The following RMDN2 variants were observed in gnomAD, a reference collection of about 807,000 sequenced individuals.
The protein encoded by RMDN2 is regulator of microtubule dynamics protein 2.
Under a neutral mutation model 52.8 loss-of-function variants are expected in RMDN2, and 61 were observed. The observed-to-expected ratio is 1.16, with a 90% CI of 0.94 to 1.43. RMDN2 has a LOEUF of 1.43. Among genes scored for constraint, RMDN2 ranks in the 40% most tolerant of loss-of-function variants. RMDN2 has a pLI of 0.00. For missense variants in RMDN2, 592 were observed against 475.3 expected (o/e 1.25, Z -2.28); for synonymous variants, 180 against 153.1 (o/e 1.18, Z -1.30).
At chr2:37,953,463 A>G (rs1201343672) in intron 2 of RMDN2, among the ~76,000 whole-genome samples, 1 of 152,020 alleles carries the variant, frequency 6.6e-6, no homozygotes, top group Non-Finnish European at 1.5e-5. Context: ...AGCTTATTTC[A>G]CTTAGCATAG....
intron 10 of RMDN2, 67 bp from the exon 11 acceptor site, chr2:38,017,119 T>C (rs933498594): frequency 1.7e-4 from 179 of 1,024,810 alleles, no homozygotes; most frequent in Admixed American, 2.3e-4. Context: ...TGTAAGTCTG[T>C]TTCAGCATGC....
At chr2:37,936,887 C>T (rs568791296) in intron 2 of RMDN2, among the ~76,000 whole-genome samples, 2 of 152,278 alleles carry the variant, frequency 1.3e-5, no homozygotes, top group South Asian at 4.1e-4. Context: ...TGCAGGAGCT[C>T]TCTAGTTTAA....
chr2:38,056,481 A>G (rs1465865976), intron 10 of RMDN2, among the ~76,000 whole-genome samples: 1 of 152,216 alleles, frequency 6.6e-6, no homozygotes, highest in African/African-American at 2.4e-5. Flanking sequence ...TAACAGTTTT[A>G]TCTTAGAATA....
chr2:37,989,277 T>G (rs1674443655), intron 5 of RMDN2, among the ~76,000 whole-genome samples: 1 of 152,200 alleles, frequency 6.6e-6, no homozygotes, highest in African/African-American at 2.4e-5. Flanking sequence ...TCCTGGTCAC[T>G]GTTCTAATCA....
At chr2:38,051,201 G>A (rs1266843528) in intron 10 of RMDN2, among the ~76,000 whole-genome samples, 1 of 152,186 alleles carries the variant, frequency 6.6e-6, no homozygotes, top group African/African-American at 2.4e-5. Context: ...GACTGAGTCT[G>A]CCAACCCTTT....
chr2:38,013,824 C>A (rs1678341967), intron 10 of RMDN2, among the ~76,000 whole-genome samples: 1 of 152,228 alleles, frequency 6.6e-6, no homozygotes, highest in Non-Finnish European at 1.5e-5. Flanking sequence ...TCTTGTTTGC[C>A]CATTTCTTTC....
intron 2 of RMDN2, among the ~76,000 whole-genome samples, chr2:37,941,109 G>A (rs114160050): frequency 6.6e-6 from 1 of 152,158 alleles, no homozygotes; most frequent in East Asian, 1.9e-4. Context: ...TGTTGATGCT[G>A]TTGCTTTCTC....
At chr2:38,051,119 A>G (rs1489287124) in intron 10 of RMDN2, among the ~76,000 whole-genome samples, 1 of 152,212 alleles carries the variant, frequency 6.6e-6, no homozygotes. Flanking sequence ...ACCAGTGACA[A>G]GGATTAAGCT....
intron 2 of RMDN2, among the ~76,000 whole-genome samples, chr2:37,942,594 T>G (rs1319742330): frequency 6.6e-6 from 1 of 152,220 alleles, no homozygotes; most frequent in African/African-American, 2.4e-5. Context: ...TTGTCAGACT[T>G]TTTCATTTTA....
chr2:37,974,055 TACTG>T lies in RMDN2; in HGVS notation c.471_474del (p.Asp158GlnfsTer16), dbSNP rs1558494563. On this transcript the variant is annotated frameshift_variant, in exon 3 of 11. Coordinates refer to ENST00000354545, the MANE Select transcript of RMDN2 (RefSeq NM_001170791.3). LOFTEE classifies it high-confidence loss of function. ...GCGATTTTAGGTATATTACAGCTAA[TACTG>T]ACACAGAAGAACAGAGTTTTCCAGT... 1.2e-6 allele frequency: 2 copies of T among 1,610,268 alleles called. No individual in the cohort carries two copies. The highest frequency in any genetic ancestry group is 1.7e-6 in the Non-Finnish European group (2 of 1,178,362).
At chr2:38,061,998 G>C (rs1330885495) in intron 10 of RMDN2, among the ~76,000 whole-genome samples, 1 of 152,198 alleles carries the variant, frequency 6.6e-6, no homozygotes, top group African/African-American at 2.4e-5. Flanking sequence ...TCTTTGTTCA[G>C]TGTTGCCATC....
intron 2 of RMDN2, among the ~76,000 whole-genome samples, chr2:37,932,027 G>A (rs186309999): frequency 7.8e-4 from 119 of 151,970 alleles, no homozygotes; most frequent in African/African-American, 2.7e-3. Context: ...TTTTGAGAAA[G>A]GAATAAGATA....
At chr2:37,932,873 C>A (rs1378265231) in intron 2 of RMDN2, among the ~76,000 whole-genome samples, 3 of 144,050 alleles carry the variant, frequency 2.1e-5, no homozygotes, top group Non-Finnish European at 4.6e-5. Context: ...GGCTGACCCC[C>A]CCACCTCCCT....
intron 2 of RMDN2, among the ~76,000 whole-genome samples, chr2:37,962,717 G>T (rs186643672): frequency 6.6e-6 from 1 of 151,648 alleles, no homozygotes; most frequent in African/African-American, 2.4e-5. Context: ...TCTTTCTGGG[G>T]TTCACACCCC....
intron 2 of RMDN2, among the ~76,000 whole-genome samples, chr2:37,960,177 A>T (rs908689427): frequency 6.6e-6 from 1 of 152,056 alleles, no homozygotes; most frequent in Non-Finnish European, 1.5e-5. Context: ...CCAGAGCTGA[A>T]TTCAAGTCCT....
chr2:38,063,713 AC>A, intron 10 of RMDN2, among the ~76,000 whole-genome samples: 1 of 152,268 alleles, frequency 6.6e-6, no homozygotes, highest in South Asian at 2.1e-4. Context: ...CAAGAAAAAA[AC>A]AAACAACCCC....
Position 38,017,400 on chromosome 2 carries a change from C to T in RMDN2, c.*161C>T, listed in dbSNP as rs1327360528. The T allele has an allele frequency of 3.0e-6, 4 of 1,349,350 alleles. No individual in the cohort carries two copies. Among genetic ancestry groups the T allele is most frequent in the Non-Finnish European group, 3.9e-6 (4 of 1,035,812 alleles). The allele number at this position is 1,349,350 out of a possible 1,614,324, so 83.6% of individuals were successfully genotyped here. ...AGAATGCATTCCACTAGTAGCACTACAAAATTAATTATGTTATTTGGAGAA... is the reference window on the plus strand; with the variant it reads ...AGAATGCATTCCACTAGTAGCACTATAAAATTAATTATGTTATTTGGAGAA... On this transcript the variant is annotated 3_prime_UTR_variant, in exon 11 of 11. Transcript: ENST00000354545.
downstream of RMDN2, among the ~76,000 whole-genome samples, chr2:38,020,612 AGCCGGCCCTGCCG>A (rs1679279344): frequency 6.6e-6 from 1 of 152,200 alleles, no homozygotes; most frequent in East Asian, 1.9e-4. Context: ...GGGAGCGGCC[AGCCGGCCCTGCCG>A]GCCCAGGCAA....
chr2:38,047,971 A>C (rs1014935596), intron 10 of RMDN2, among the ~76,000 whole-genome samples: 1 of 152,172 alleles, frequency 6.6e-6, no homozygotes, highest in Non-Finnish European at 1.5e-5. Flanking sequence ...TACTCTGATC[A>C]CTCTGACTTT....
Sources: allele counts gnomAD v4.1 joint callset (sites outside exome capture counted in the v4.1 genomes callset), GRCh38; gene constraint gnomAD v4.1.1; transcripts MANE v1.5; gene names NCBI Gene and HGNC (gene_info 2026-07-23, HGNC 2026-07-21).